RGS6: variants seen among roughly 807,000 people sequenced by gnomAD.
RGS6 encodes regulator of G-protein signaling 6.
In RGS6, 30 loss-of-function variants were observed where a neutral mutation model predicts 78.5. That is an observed-to-expected ratio of 0.38 (90% CI 0.29 to 0.52). The LOEUF is 0.52. Ranked by LOEUF, RGS6 falls within the 20% of genes least tolerant of loss-of-function variation. The probability of loss-of-function intolerance (pLI) is 0.85; values close to 1 mark genes in which losing one functional copy is unlikely to be tolerated. For synonymous variants in RGS6, 206 were observed against 206.0 expected (o/e 1.00, Z 0.00); for missense variants, 495 against 609.7 (o/e 0.81, Z 1.98).
At chr14:72,054,382 C>T (rs1029850525) in intron 2 of RGS6, among the ~76,000 whole-genome samples, 2 of 152,158 alleles carry the variant, frequency 1.3e-5, no homozygotes, top group Non-Finnish European at 2.9e-5. Context: ...GACAGTTCTA[C>T]ACCTTGGCCT....
At chr14:72,107,803 T>C (rs2095665061) in intron 2 of RGS6, among the ~76,000 whole-genome samples, 1 of 152,150 alleles carries the variant, frequency 6.6e-6, no homozygotes, top group Non-Finnish European at 1.5e-5. Context: ...TAGAGTATGC[T>C]AGATTAGAAT....
intron 2 of RGS6, among the ~76,000 whole-genome samples, chr14:72,087,786 AC>A (rs1251881164): frequency 1.3e-5 from 2 of 152,136 alleles, no homozygotes; most frequent in Non-Finnish European, 1.5e-5. Context: ...GTTTTAAAAG[AC>A]CCACAAATGG....
chr14:72,465,657 G>GGTGA, intron 6 of RGS6, 101 bp from the exon 7 acceptor site: 13 of 785,696 alleles, frequency 1.7e-5, no homozygotes, highest in South Asian at 3.1e-5. Context: ...TGGATGGATG[G>GGTGA]ATGGGTGAAT....
intron 2 of RGS6, among the ~76,000 whole-genome samples, chr14:72,192,089 C>G (rs1041251575): frequency 2.0e-5 from 3 of 152,190 alleles, no homozygotes; most frequent in African/African-American, 7.2e-5. Flanking sequence ...GAGGGCAGGA[C>G]TGAATTTGTC....
At position 72,008,306 on chromosome 14, in the gene RGS6, G is replaced by A. The variant is rs925394682; in HGVS notation, c.84+43431G>A. 2.0e-5 allele frequency among the ~76,000 whole-genome samples: 3 copies of A among 152,088 alleles called. No individual in the cohort carries two copies. In the East Asian group the frequency reaches 5.8e-4, roughly 29 times the overall value. On this transcript the variant is annotated intron_variant, in intron 2 of 17. Transcript: ENST00000553525. ...GAAGAACCACATTCAATTGTTGTAT[G>A]TCAGAGACTACACCCAAGAAGGCTG...
the RGS6 span, among the ~76,000 whole-genome samples, chr14:71,924,236 G>A: frequency 6.6e-5 from 10 of 150,410 alleles, no homozygotes; most frequent in Admixed American, 2.6e-4. Flanking sequence ...GTAGCGATGC[G>A]GTATTGCTAT....
At chr14:72,480,533 C>A (rs543993298) in intron 12 of RGS6, among the ~76,000 whole-genome samples, 2 of 152,260 alleles carry the variant, frequency 1.3e-5, no homozygotes, top group East Asian at 1.9e-4. Context: ...TTATTCCCAG[C>A]AGCAATAACT....
At chr14:72,479,749 C>T (rs1346714178) in intron 12 of RGS6, among the ~76,000 whole-genome samples, 1 of 152,152 alleles carries the variant, frequency 6.6e-6, no homozygotes, top group Non-Finnish European at 1.5e-5. Context: ...CTTTTTAGGT[C>T]TCACTGTGGT....
At chr14:71,997,709 G>T (rs2082663225) in intron 2 of RGS6, among the ~76,000 whole-genome samples, 1 of 152,142 alleles carries the variant, frequency 6.6e-6, no homozygotes, top group Non-Finnish European at 1.5e-5. Context: ...CAGAGGCCTG[G>T]GGGTCAGAGT....
At chr14:72,325,534 G>C (rs907820293) in intron 2 of RGS6, among the ~76,000 whole-genome samples, 1 of 152,090 alleles carries the variant, frequency 6.6e-6, no homozygotes, top group Non-Finnish European at 1.5e-5. Context: ...TTTTGTATAA[G>C]GTGTGAGGAA....
At chr14:71,989,356 T>A (rs1475094715) in intron 2 of RGS6, among the ~76,000 whole-genome samples, 1 of 152,234 alleles carries the variant, frequency 6.6e-6, no homozygotes, top group Non-Finnish European at 1.5e-5. Context: ...GGGAGCTGCT[T>A]ACTTCTGATC....
At chr14:72,135,250 T>G (rs899860748) in intron 2 of RGS6, among the ~76,000 whole-genome samples, 1 of 152,198 alleles carries the variant, frequency 6.6e-6, no homozygotes, top group Non-Finnish European at 1.5e-5. Context: ...AACCTTGGTC[T>G]GAAGAACTTT....
chr14:71,964,367 G>A (rs1595335769), intron 1 of RGS6, among the ~76,000 whole-genome samples: 1 of 152,170 alleles, frequency 6.6e-6, no homozygotes, highest in South Asian at 2.1e-4. Flanking sequence ...ATAGCTGGGT[G>A]TGGTGGCACA....
At chr14:72,381,818 G>A (rs1240652998) in intron 3 of RGS6, among the ~76,000 whole-genome samples, 1 of 152,088 alleles carries the variant, frequency 6.6e-6, no homozygotes, top group Non-Finnish European at 1.5e-5. Context: ...TATCCACTAT[G>A]AGGAGTTAAT....
chr14:72,408,316 A>T (rs943808762), intron 3 of RGS6, among the ~76,000 whole-genome samples: 7 of 152,174 alleles, frequency 4.6e-5, no homozygotes, highest in Non-Finnish European at 1.0e-4. Flanking sequence ...TTTTTTGATG[A>T]TAACTTAAAA....
chr14:72,278,593 C>G (rs1055142023), intron 2 of RGS6, among the ~76,000 whole-genome samples: 1 of 152,132 alleles, frequency 6.6e-6, no homozygotes, highest in Non-Finnish European at 1.5e-5. Context: ...TATATAGCCA[C>G]GTACATACAT....
intron 2 of RGS6, among the ~76,000 whole-genome samples, chr14:72,328,154 T>C (rs933589083): frequency 1.3e-5 from 2 of 152,180 alleles, no homozygotes; most frequent in Non-Finnish European, 2.9e-5. Context: ...TTGTTCTATC[T>C]GAACCCTCAA....
rs58303649 is a variant in RGS6 at position 72,323,800 on chromosome 14, C to CAAAAAAAAAAAAAAAAA, written c.85-28270_85-28254dup. 1.8e-4 allele frequency among the ~76,000 whole-genome samples: 3 copies of CAAAAAAAAAAAAAAAAA among 16,820 alleles called. 1 individual carries two copies. Among genetic ancestry groups the CAAAAAAAAAAAAAAAAA allele is most frequent in the Non-Finnish European group, 3.2e-4 (3 of 9,414 alleles). 11.0% of individuals were successfully genotyped at this position (16,820 alleles called of 152,430 possible). A position where few individuals can be genotyped will look rare whatever the true frequency, so the allele number is the denominator to read the frequency against. On this transcript the variant is annotated intron_variant, in intron 2 of 17. Transcript: ENST00000553525. ...TGGGTGACAGAGTGAGACTCCATCT[C>CAAAAAAAAAAAAAAAAA]AAAAAAAAAAAAAAAAAAAAAAAAA...
intron 3 of RGS6, among the ~76,000 whole-genome samples, chr14:72,412,123 A>T (rs889678192): frequency 5.3e-5 from 8 of 152,154 alleles, no homozygotes; most frequent in Non-Finnish European, 1.2e-4. Flanking sequence ...TATTGACTGG[A>T]ATGGTTTCAG....
Sources: gnomAD v4.1 joint callset for allele counts (sites outside exome capture counted in the v4.1 genomes callset) on GRCh38, gnomAD v4.1.1 for gene constraint, MANE v1.5 for transcripts, NCBI Gene and HGNC (gene_info 2026-07-23, HGNC 2026-07-21) for gene names.